Variants in MYO1B observed in about 807,000 individuals in gnomAD.
MYO1B encodes the protein myosin IB.
Under a neutral mutation model 159.7 loss-of-function variants are expected in MYO1B, and 72 were observed. That is an observed-to-expected ratio of 0.45 (90% CI 0.37 to 0.55). MYO1B has a LOEUF of 0.55. Ranked by LOEUF, MYO1B falls within the 20% of genes least tolerant of loss-of-function variation. The probability of loss-of-function intolerance (pLI) is 0.00; values close to 1 mark genes in which losing one functional copy is unlikely to be tolerated. For synonymous variants in MYO1B, 468 were observed against 473.8 expected, an observed-to-expected ratio of 0.99 and a Z score of 0.16; for missense variants, 1,062 against 1,364.8, an observed-to-expected ratio of 0.78 and a Z score of 3.50.
At chr2:191,284,853 T>C (rs1345507823) in intron 2 of MYO1B, among the ~76,000 whole-genome samples, 2 of 152,122 alleles carry the variant, frequency 1.3e-5, no homozygotes, top group African/African-American at 4.8e-5. Flanking sequence ...AGGCTGGTCT[T>C]GAACTCCTGG....
chr2:191,305,772 A>C (rs1221485068), intron 3 of MYO1B, among the ~76,000 whole-genome samples: 5 of 152,178 alleles, frequency 3.3e-5, no homozygotes. Context: ...GAAGAGTCTG[A>C]GAATGAGCAG....
intron 4 of MYO1B, among the ~76,000 whole-genome samples, chr2:191,335,663 A>G (rs1691781864): frequency 6.6e-6 from 1 of 152,224 alleles, no homozygotes; most frequent in South Asian, 2.1e-4. Context: ...CATTTATTGA[A>G]GGCCTGGAAT....
intron 2 of MYO1B, among the ~76,000 whole-genome samples, chr2:191,279,915 C>G (rs573037282): frequency 6.6e-6 from 1 of 152,212 alleles, no homozygotes; most frequent in East Asian, 1.9e-4. Context: ...AACAGGAAGA[C>G]CCTTGCCCCA....
At chr2:191,393,008 T>G (rs1352445494) in intron 19 of MYO1B, 65 bp from the exon 20 acceptor site, 3 of 1,467,296 alleles carry the variant, frequency 2.0e-6, no homozygotes, top group Non-Finnish European at 2.8e-6. Flanking sequence ...TCCTGAAAAT[T>G]CCTTTCCTGT....
chr2:191,412,192 G>A (rs1215571500), intron 27 of MYO1B, among the ~76,000 whole-genome samples: 1 of 152,154 alleles, frequency 6.6e-6, no homozygotes, highest in East Asian at 1.9e-4. Flanking sequence ...GTTGTCCAAA[G>A]TGCCTGTTAT....
At chr2:191,266,019 G>T (rs1485798710) in intron 1 of MYO1B, among the ~76,000 whole-genome samples, 1 of 152,006 alleles carries the variant, frequency 6.6e-6, no homozygotes, top group Admixed American at 6.6e-5. Flanking sequence ...CTTGGAGTGG[G>T]GTGTGTGCTC....
intron 27 of MYO1B, 134 bp downstream of exon 27, chr2:191,411,306 C>A: frequency 1.8e-6 from 1 of 568,766 alleles, no homozygotes; most frequent in Non-Finnish European, 3.1e-6. Flanking sequence ...ATTTTATAAT[C>A]AGCTTGATGT....
At chr2:191,379,423 A>G (rs1328092628) in intron 13 of MYO1B, among the ~76,000 whole-genome samples, 1 of 152,240 alleles carries the variant, frequency 6.6e-6, no homozygotes, top group Non-Finnish European at 1.5e-5. Context: ...GGTTATGGGC[A>G]AATTTAATTT....
chr2:191,297,231 G>A (rs1689036730), intron 3 of MYO1B, among the ~76,000 whole-genome samples: 1 of 152,184 alleles, frequency 6.6e-6, no homozygotes, highest in Admixed American at 6.5e-5. Flanking sequence ...TGCTTAGGCA[G>A]AAACATTTCC....
chr2:191,357,817 C>T (rs991822036), intron 7 of MYO1B, among the ~76,000 whole-genome samples: 4 of 152,144 alleles, frequency 2.6e-5, no homozygotes, highest in Non-Finnish European at 5.9e-5. Context: ...TATGTTGGTG[C>T]ATGCACATTT....
chr2:191,346,307 G>A, intron 6 of MYO1B, 25 bp downstream of exon 6: 1 of 1,502,332 alleles, frequency 6.7e-7, no homozygotes, highest in Non-Finnish European at 9.0e-7. Context: ...AAGCATAAGT[G>A]TTAACACTAA....
At chr2:191,383,892 T>C (rs1013052907) in intron 15 of MYO1B, among the ~76,000 whole-genome samples, 3 of 151,896 alleles carry the variant, frequency 2.0e-5, no homozygotes, top group Admixed American at 6.6e-5. Context: ...CACCGGGTAT[T>C]ATATTAAGTT....
chr2:191,274,612 G>A (rs982928054), intron 1 of MYO1B, among the ~76,000 whole-genome samples: 1 of 152,204 alleles, frequency 6.6e-6, no homozygotes, highest in Admixed American at 6.5e-5. Context: ...ATGCATGGCA[G>A]CTAGAGTGCT....
chr2:191,288,638 A>G (rs947939264), intron 2 of MYO1B, among the ~76,000 whole-genome samples: 1 of 152,186 alleles, frequency 6.6e-6, no homozygotes, highest in African/African-American at 2.4e-5. Flanking sequence ...TTTTCCTACC[A>G]TGCCCAGCAT....
chr2:191,399,890 C>T (rs1293228048), intron 21 of MYO1B, among the ~76,000 whole-genome samples: 2 of 152,198 alleles, frequency 1.3e-5, no homozygotes, highest in African/African-American at 2.4e-5. Context: ...GTCCTCCTGG[C>T]CCCCATAAAA....
chr2:191,360,070 G>A (rs114637956), intron 7 of MYO1B, among the ~76,000 whole-genome samples: 3,554 of 152,268 alleles, frequency 0.023, 51 homozygotes, highest in Middle Eastern at 0.044. Context: ...AGTGGGGCAT[G>A]TGGGTGCAAG....
At chr2:191,276,564 G>GT (rs1230782385) in intron 1 of MYO1B, among the ~76,000 whole-genome samples, 5 of 151,986 alleles carry the variant, frequency 3.3e-5, no homozygotes, top group South Asian at 2.1e-4. Flanking sequence ...GGTGGGTTAG[G>GT]TTTTTTTTCC....
At chr2:191,287,311 C>T (rs1344628098) in intron 2 of MYO1B, among the ~76,000 whole-genome samples, 5 of 151,974 alleles carry the variant, frequency 3.3e-5, no homozygotes, top group South Asian at 2.1e-4. Flanking sequence ...GCGGATCACC[C>T]GAGGTCAGGA....
intron 2 of MYO1B, among the ~76,000 whole-genome samples, chr2:191,278,769 G>A (rs1161150019): frequency 6.6e-6 from 1 of 152,256 alleles, no homozygotes; most frequent in African/African-American, 2.4e-5. Flanking sequence ...CTGCTTTCAG[G>A]TGGGAAAGCT....
Sources: allele counts gnomAD v4.1 joint callset (sites outside exome capture counted in the v4.1 genomes callset), GRCh38; gene constraint gnomAD v4.1.1; transcripts MANE v1.5; gene names NCBI Gene and HGNC (gene_info 2026-07-23, HGNC 2026-07-21).